DMD: variants seen among roughly 807,000 people sequenced by gnomAD.
DMD encodes dystrophin.
Under a neutral mutation model 330.1 loss-of-function variants are expected in DMD, and 63 were observed. The observed-to-expected ratio is 0.19, with a 90% CI of 0.16 to 0.24. The LOEUF (loss-of-function observed/expected upper bound fraction) is 0.24, where lower values mean the gene tolerates loss of function less well. Ranked by LOEUF, DMD falls within the 10% of genes least tolerant of loss-of-function variation. DMD has a pLI of 1.00. For missense variants in DMD, 3,344 were observed against 2,684.1 expected (o/e 1.25, Z -5.43); for synonymous variants, 1,223 against 959.8 (o/e 1.27, Z -5.07).
chrX:32,653,859 G>T (rs1021265886), intron 9 of DMD, among the ~76,000 whole-genome samples: 1 of 111,743 alleles, frequency 8.9e-6, no homozygotes, highest in Non-Finnish European at 1.9e-5. Context: ...AGTTCTCCTT[G>T]AAGAGGTCCT....
At chrX:31,210,208 C>T in intron 64 of DMD, among the ~76,000 whole-genome samples, 1 of 111,680 alleles carries the variant, frequency 9.0e-6, no homozygotes, top group Non-Finnish European at 1.9e-5. Context: ...AAATATCAGT[C>T]ACCTCAGCAT....
At chrX:31,689,744 A>G (rs1480583361) in intron 52 of DMD, among the ~76,000 whole-genome samples, 2 of 111,778 alleles carry the variant, frequency 1.8e-5, no homozygotes, top group Admixed American at 9.5e-5. Flanking sequence ...GGTAACCAAA[A>G]CAGCATGGTA....
intron 7 of DMD, among the ~76,000 whole-genome samples, chrX:32,712,931 T>C (rs764293137): frequency 8.2e-4 from 92 of 111,706 alleles, no homozygotes; most frequent in African/African-American, 2.7e-3. Flanking sequence ...AAAGTTATCT[T>C]AGTATTTGTT....
At chrX:33,082,720 G>T (rs756995555) in intron 1 of DMD, among the ~76,000 whole-genome samples, 53 of 112,063 alleles carry the variant, frequency 4.7e-4, no homozygotes, top group African/African-American at 1.7e-3. Flanking sequence ...GAAACCAAAA[G>T]AAAGTATCCC....
At chrX:31,822,653 G>GGGGGTGTGTGTGTGTGTGTGTGTGT (rs58903799) in intron 49 of DMD, among the ~76,000 whole-genome samples, 2 of 65,809 alleles carry the variant, frequency 3.0e-5, no homozygotes, top group African/African-American at 1.3e-4. Flanking sequence ...AAGGCAGAGG[G>GGGGGTGTGTGTGTGTGTGTGTGTGT]GTGTGTGTGT....
At chrX:32,533,674 G>C (rs2148893845) in intron 17 of DMD, among the ~76,000 whole-genome samples, 1 of 112,189 alleles carries the variant, frequency 8.9e-6, no homozygotes, top group Non-Finnish European at 1.9e-5. Context: ...CAATCCATTA[G>C]ATATTAGTTG....
rs771592636 is a variant in DMD at position 32,201,944 on chromosome X, T to C, written c.6438+14972A>G. Reference sequence around the variant, plus strand: ...GTTACAGCTTATGATAGAATTTTTATTTTCAAAAGAGAAATTTAATTCAGG... The same window carrying C: ...GTTACAGCTTATGATAGAATTTTTACTTTCAAAAGAGAAATTTAATTCAGG... On this transcript the variant is annotated intron_variant, in intron 44 of 78. Transcript: ENST00000357033. 2.7e-5 allele frequency among the ~76,000 whole-genome samples: 3 copies of C among 112,376 alleles called. No individual in the cohort carries two copies. The South Asian group carries it at 1.1e-3, about 41-fold the overall frequency.
At chrX:32,355,936 A>G (rs746325721) in intron 37 of DMD, among the ~76,000 whole-genome samples, 1 of 110,724 alleles carries the variant, frequency 9.0e-6, no homozygotes, top group East Asian at 2.8e-4. Flanking sequence ...TAAAATTTAA[A>G]GAATATATAT....
At chrX:32,715,876 G>C (rs907241249) in intron 7 of DMD, among the ~76,000 whole-genome samples, 5 of 111,437 alleles carry the variant, frequency 4.5e-5, no homozygotes, top group Non-Finnish European at 7.5e-5. Context: ...AAATAAGCAA[G>C]ACACAGAAAG....
At chrX:32,074,894 G>GACA (rs2096331299) in intron 44 of DMD, among the ~76,000 whole-genome samples, 1 of 109,469 alleles carries the variant, frequency 9.1e-6, no homozygotes, top group East Asian at 2.9e-4. Flanking sequence ...CAACAACAAC[G>GACA]ACAACAACAA....
upstream of DMD, among the ~76,000 whole-genome samples, chrX:33,214,903 T>C (rs1417767236): frequency 8.9e-6 from 1 of 112,275 alleles, no homozygotes; most frequent in African/African-American, 3.2e-5. Context: ...TCCTCCTGCC[T>C]CAGCCTCCCC....
intron 52 of DMD, among the ~76,000 whole-genome samples, chrX:31,694,337 G>A (rs1211717428): frequency 3.6e-5 from 4 of 109,666 alleles, no homozygotes; most frequent in Non-Finnish European, 7.6e-5. Flanking sequence ...ATTGGTCTGG[G>A]CAGTGGTTTC....
chrX:33,074,968 C>T (rs753268059), intron 1 of DMD, among the ~76,000 whole-genome samples: 24 of 111,419 alleles, frequency 2.2e-4, no homozygotes, highest in African/African-American at 7.5e-4. Flanking sequence ...AACTCAACCG[C>T]GTTTGTAGAG....
intron 70 of DMD, 25 bp downstream of exon 70, chrX:31,178,644 G>C: frequency 8.3e-7 from 1 of 1,197,739 alleles, no homozygotes; most frequent in Admixed American, 2.2e-5. Context: ...AAACAAGAGT[G>C]TGTTCTGCTT....
intron 2 of DMD, among the ~76,000 whole-genome samples, chrX:32,876,719 T>C (rs1354024741): frequency 3.6e-5 from 4 of 111,946 alleles, no homozygotes. Flanking sequence ...ACTAGCATTG[T>C]CTATTGCACA....
intron 13 of DMD, among the ~76,000 whole-genome samples, chrX:32,578,423 T>G (rs923346136): frequency 2.0e-4 from 22 of 112,175 alleles, no homozygotes; most frequent in African/African-American, 7.1e-4. Flanking sequence ...TCAGCTCACT[T>G]CGTCTAACAT....
intron 73 of DMD, 120 bp downstream of exon 73, chrX:31,172,228 C>T: frequency 1.8e-6 from 1 of 569,812 alleles, no homozygotes; most frequent in Non-Finnish European, 3.0e-6. Context: ...AAATGAATGG[C>T]TCCTTAAAAG....
chrX:32,042,150 CATACATAT>C (rs1569536004), intron 44 of DMD, among the ~76,000 whole-genome samples: 3 of 89,794 alleles, frequency 3.3e-5, no homozygotes, highest in African/African-American at 4.4e-5. Context: ...TACATATATA[CATACATAT>C]ACACACATAT....
chrX:33,246,747 G>A (rs368130151), intron 1 of DMD, among the ~76,000 whole-genome samples: 56 of 110,344 alleles, frequency 5.1e-4, no homozygotes, highest in South Asian at 1.1e-3. Flanking sequence ...GTGTGGTGGC[G>A]CGACCTCAGC....
Sources: gnomAD v4.1 joint callset for allele counts (sites outside exome capture counted in the v4.1 genomes callset) on GRCh38, gnomAD v4.1.1 for gene constraint, MANE v1.5 for transcripts, NCBI Gene and HGNC (gene_info 2026-07-23, HGNC 2026-07-21) for gene names.